The following USP53 variants were observed in gnomAD, a reference collection of about 807,000 sequenced individuals.
USP53 encodes ubiquitin carboxyl-terminal hydrolase 53.
USP53 carries 71 observed loss-of-function variants against 94.9 expected under a neutral mutation model. The observed-to-expected ratio is 0.75, with a 90% confidence interval of 0.62 to 0.91. The LOEUF (loss-of-function observed/expected upper bound fraction) is 0.91. Among genes scored for constraint, USP53 ranks in the 40% least tolerant of loss-of-function variants. The probability of loss-of-function intolerance (pLI) is 0.00; values close to 1 mark genes in which losing one functional copy is unlikely to be tolerated. For missense variants in USP53, 1,173 were observed against 1,281.0 expected, an observed-to-expected ratio of 0.92 and a Z score of 1.29; for synonymous variants, 375 against 422.7, an observed-to-expected ratio of 0.89 and a Z score of 1.39.
chr4:119,241,149 A>G (rs1479447295), intron 5 of USP53, among the ~76,000 whole-genome samples: 3 of 152,170 alleles, frequency 2.0e-5, no homozygotes, highest in Non-Finnish European at 4.4e-5. Context: ...TGTATAGTTC[A>G]GAGAAACAAA....
intron 6 of USP53, among the ~76,000 whole-genome samples, chr4:119,246,040 G>C (rs1294600605): frequency 1.3e-5 from 2 of 152,150 alleles, no homozygotes; most frequent in African/African-American, 2.4e-5. Context: ...TATATTTAAG[G>C]AACACCAAGG....
chr4:119,281,314 G>A (rs1328649016), intron 17 of USP53, among the ~76,000 whole-genome samples: 3 of 152,146 alleles, frequency 2.0e-5, no homozygotes, highest in Admixed American at 2.0e-4. Flanking sequence ...TAATTCAGAG[G>A]AGTAGAAGGG....
chr4:119,262,233 A>G (rs1750601594), intron 12 of USP53, among the ~76,000 whole-genome samples: 1 of 152,200 alleles, frequency 6.6e-6, no homozygotes, highest in South Asian at 2.1e-4. Context: ...AGTGATGAAA[A>G]TATGCTTGCC....
intron 12 of USP53, among the ~76,000 whole-genome samples, chr4:119,265,340 G>C (rs1750982686): frequency 6.6e-6 from 1 of 152,134 alleles, no homozygotes; most frequent in Non-Finnish European, 1.5e-5. Context: ...GTTTCATCTT[G>C]AGTTGATGTG....
intron 17 of USP53, among the ~76,000 whole-genome samples, chr4:119,284,392 CT>C (rs1422092848): frequency 6.6e-6 from 1 of 151,532 alleles, no homozygotes; most frequent in Admixed American, 6.6e-5. Context: ...ATTATATAGG[CT>C]TGTCTGCCTA....
chr4:119,238,791 C>T (rs866321625), intron 4 of USP53, among the ~76,000 whole-genome samples: 22 of 151,944 alleles, frequency 1.4e-4, no homozygotes, highest in African/African-American at 5.3e-4. Flanking sequence ...TTTAATTCAC[C>T]AAGATTTATT....
chr4:119,267,632 T>A (rs1204909123), intron 13 of USP53, 150 bp downstream of exon 13: 1 of 957,836 alleles, frequency 1.0e-6, no homozygotes, highest in Middle Eastern at 3.3e-4. Context: ...TTTGTTAGTA[T>A]TTTGGAATGA....
intron 18 of USP53, among the ~76,000 whole-genome samples, chr4:119,291,752 GGTACAT>G (rs1380426876): frequency 6.6e-6 from 1 of 152,076 alleles, no homozygotes; most frequent in Non-Finnish European, 1.5e-5. Context: ...GTGATGTGGT[GGTACAT>G]GTCTGTAATC....
rs1743035991 is a variant in USP53, at chr4:119,212,806, G to C, written c.-1009G>C. 1 of 289,416 alleles carries C rather than the reference G, an allele frequency of 3.5e-6. No individual in the cohort carries two copies. The highest frequency in any genetic ancestry group is 7.0e-6 in the Non-Finnish European group (1 of 142,570). The allele number at this position is 289,416 out of a possible 1,614,324, so 17.9% of individuals were successfully genotyped here. On this transcript the variant is annotated 5_prime_UTR_variant, in exon 1 of 19. Coordinates refer to ENST00000692078, the MANE Select transcript of USP53 (RefSeq NM_001371395.1). ...CTGGGCCAGCGGGAGGTAGCTCTGT[G>C]GGAGTGGAAGGCCTGTATTTCTCTA...
intron 3 of USP53, chr4:119,221,548 G>GT (rs1482589695): frequency 1.3e-5 from 2 of 152,160 alleles, no homozygotes; most frequent in African/African-American, 4.8e-5. Flanking sequence ...ATCTGGTGTT[G>GT]TAAGTTGCCA....
intron 3 of USP53, among the ~76,000 whole-genome samples, chr4:119,223,633 G>A (rs1744843704): frequency 6.6e-6 from 1 of 152,170 alleles, no homozygotes; most frequent in African/African-American, 2.4e-5. Flanking sequence ...TCTTCCTGAT[G>A]TGCTTCTAGA....
intron 7 of USP53, among the ~76,000 whole-genome samples, chr4:119,254,555 T>C (rs529592360): frequency 1.1e-3 from 173 of 152,352 alleles, no homozygotes; most frequent in African/African-American, 3.9e-3. Flanking sequence ...TCTCGTACTA[T>C]GTTTTTCAGC....
chr4:119,221,872 G>A (rs1655442952), intron 3 of USP53, among the ~76,000 whole-genome samples: 1 of 152,168 alleles, frequency 6.6e-6, no homozygotes, highest in African/African-American at 2.4e-5. Context: ...GAGAGAGGGG[G>A]ATGATTTTGA....
At position 119,255,585 on chromosome 4, in the gene USP53, GGTTGGTAAGACC is replaced by G. The variant is rs1273679649; in HGVS notation, c.373-658_373-647del. ...ACGGGAGGGGAACTCCTGGTCTGCT[GGTTGGTAAGACC>G]GTGGGAGAAGCTCAGTATTTCGGCA... On this transcript the variant is annotated intron_variant, in intron 7 of 18. Coordinates refer to ENST00000692078, the MANE Select transcript of USP53 (RefSeq NM_001371395.1). Among the ~76,000 whole-genome samples the G allele has an allele frequency of 1.1e-4, 16 of 152,346 alleles. No homozygotes were observed. The East Asian group carries it at 2.9e-3, about 28-fold the overall frequency.
At position 119,278,159 on chromosome 4, in the gene USP53, AT is replaced by A. The variant is rs1218606814; in HGVS notation, c.2251+4455del. ...CCTGTCATTATGATGTTAGCTGGTG[AT>A]TTTGCTCGTTAGTTGATGCAGTTTC... On this transcript the variant is annotated intron_variant, in intron 17 of 18. Transcript: ENST00000692078. Among the ~76,000 whole-genome samples the A allele has an allele frequency of 1.1e-4, 16 of 146,518 alleles. No individual in the cohort carries two copies. In the South Asian group the frequency reaches 3.1e-3, roughly 28 times the overall value.
At chr4:119,240,736 A>G (rs1747413228) in intron 5 of USP53, among the ~76,000 whole-genome samples, 1 of 152,204 alleles carries the variant, frequency 6.6e-6, no homozygotes, top group Non-Finnish European at 1.5e-5. Context: ...TGTCAAGTGC[A>G]CAGATATCTG....
At chr4:119,239,151 A>G (rs1747186702) in intron 4 of USP53, 67 bp from the exon 5 acceptor site, 1 of 152,162 alleles carries the variant, frequency 6.6e-6, no homozygotes, top group Admixed American at 6.5e-5. Context: ...TTTGTGTTCA[A>G]ATGGTAAAGT....
intron 11 of USP53, 105 bp downstream of exon 11, chr4:119,260,758 C>T: frequency 7.6e-7 from 1 of 1,321,574 alleles, no homozygotes; most frequent in Non-Finnish European, 1.0e-6. Context: ...ATCAGGCTAA[C>T]TGGAATGCCT....
At chr4:119,280,401 T>C (rs886590213) in intron 17 of USP53, among the ~76,000 whole-genome samples, 4 of 152,200 alleles carry the variant, frequency 2.6e-5, no homozygotes, top group Non-Finnish European at 5.9e-5. Context: ...TATATTTCTA[T>C]ATTTGCAAAG....
Sources: allele counts gnomAD v4.1 joint callset (sites outside exome capture counted in the v4.1 genomes callset), GRCh38; gene constraint gnomAD v4.1.1; transcripts MANE v1.5; gene names NCBI Gene and HGNC (gene_info 2026-07-23, HGNC 2026-07-21).